FA2H: variants seen among roughly 807,000 people sequenced by gnomAD.
FA2H encodes the protein fatty acid alpha-hydroxylase.
In FA2H, 22 loss-of-function variants were observed where a neutral mutation model predicts 44.9. The observed-to-expected ratio is 0.49, with a 90% CI of 0.35 to 0.70. The LOEUF (loss-of-function observed/expected upper bound fraction) is 0.70, where lower values mean the gene tolerates loss of function less well. Ranked by LOEUF, FA2H falls within the 30% of genes least tolerant of loss-of-function variation. The probability of loss-of-function intolerance (pLI) is 0.01; values close to 1 mark genes in which losing one functional copy is unlikely to be tolerated. For missense variants in FA2H, 501 were observed against 504.9 expected (o/e 0.99, Z 0.07); for synonymous variants, 243 against 213.2 (o/e 1.14, Z -1.22).
intron 2 of FA2H, among the ~76,000 whole-genome samples, chr16:74,732,450 T>TTTTTC (rs1962091822): frequency 6.6e-6 from 1 of 151,604 alleles, no homozygotes; most frequent in Non-Finnish European, 1.5e-5. Flanking sequence ...TTTTCTTTTT[T>TTTTTC]TTTTAAGATT....
At chr16:74,772,194 T>C (rs1415416548) in intron 1 of FA2H, among the ~76,000 whole-genome samples, 1 of 152,194 alleles carries the variant, frequency 6.6e-6, no homozygotes, top group Non-Finnish European at 1.5e-5. Context: ...TTGGTTTTAT[T>C]TGCAGTCTTT....
Position 74,771,201 on chromosome 16 carries a change from T to C in FA2H, c.270+3285A>G, listed in dbSNP as rs78939103. Reference sequence around the variant, plus strand: ...TTCTTTTCTTTTCTTTTTCCTTTTCTATTTTTTTGTGACAAAATCTTACCT... The same window carrying C: ...TTCTTTTCTTTTCTTTTTCCTTTTCCATTTTTTTGTGACAAAATCTTACCT... On this transcript the variant is annotated intron_variant, in intron 1 of 6. Coordinates refer to ENST00000219368, the MANE Select transcript of FA2H (RefSeq NM_024306.5). Among the ~76,000 whole-genome samples, 16 of 152,162 alleles carry C rather than the reference T, an allele frequency of 1.1e-4. No individual in the cohort carries two copies. In the East Asian group the frequency reaches 3.1e-3, roughly 30 times the overall value.
intron 1 of FA2H, among the ~76,000 whole-genome samples, chr16:74,754,743 G>A (rs1373390187): frequency 2.0e-5 from 3 of 151,966 alleles, no homozygotes; most frequent in African/African-American, 7.2e-5. Context: ...GCCCAGGTTG[G>A]TCTCAAACTT....
At chr16:74,725,983 G>T (rs1961945516) in intron 4 of FA2H, 2 of 491,758 alleles carry the variant, frequency 4.1e-6, no homozygotes, top group Non-Finnish European at 7.5e-6. Flanking sequence ...TTATTGCTAT[G>T]CCACCCGATG....
At chr16:74,725,023 G>A (rs1245587834) in intron 4 of FA2H, among the ~76,000 whole-genome samples, 1 of 152,194 alleles carries the variant, frequency 6.6e-6, no homozygotes, top group Non-Finnish European at 1.5e-5. Context: ...CGGACAGTGG[G>A]TGATTCAGCG....
rs778973971 is a variant in FA2H at position 74,719,072 on chromosome 16, G to C, written c.702C>G (p.His234Gln). ...GGGGCTTCATGTGGAACAGGAAGCG[G>C]TGGATGAGGTACTCGATGAGGCTCC... The part of the protein sequence containing the change: ...FLWSLIEYLI[H>Q]RFLFHMKPPS... Residue 234 changes from histidine to glutamine, a missense_variant, in exon 5 of 7, where the codon CAC becomes CAG. His to Gln is a conservative substitution (Grantham distance 24, BLOSUM62 0). Transcript: ENST00000219368. The C allele has an allele frequency of 6.2e-7, 1 of 1,613,944 alleles. No homozygotes were observed. Among genetic ancestry groups the C allele is most frequent in the Non-Finnish European group, 8.5e-7 (1 of 1,180,040 alleles).
At chr16:74,748,758 G>A (rs1962474698) in intron 1 of FA2H, among the ~76,000 whole-genome samples, 2 of 152,132 alleles carry the variant, frequency 1.3e-5, no homozygotes. Context: ...AAAGGAGGCA[G>A]TGTGCGGCGG....
At chr16:74,766,920 G>A (rs1050705736) in intron 1 of FA2H, among the ~76,000 whole-genome samples, 8 of 152,118 alleles carry the variant, frequency 5.3e-5, no homozygotes, top group Admixed American at 2.6e-4. Context: ...TCTGGGAGGC[G>A]CTGTTGCCTG....
At position 74,719,153 on chromosome 16, in the gene FA2H, C is replaced by A. The variant is rs779856022; in HGVS notation, c.621G>T (p.Thr207=). ...GGAACATGGACTTGGGCACTGCCAC[C>A]GTGTACTCTGCAGGGTGGCAGGGAG... The part of the protein sequence containing the change: ...RLFTSFTTEY[T]VAVPKSMFPG... The change falls in exon 5 of 7, where the codon ACG becomes ACT. Residue 207 remains threonine (T), a synonymous_variant. Transcript: ENST00000219368. 1 of 1,613,250 alleles carries A rather than the reference C, an allele frequency of 6.2e-7. No individual in the cohort carries two copies. The highest frequency in any genetic ancestry group is 1.7e-5 in the Admixed American group (1 of 60,032).
chr16:74,724,275 C>T (rs1156675879), intron 4 of FA2H, among the ~76,000 whole-genome samples: 1 of 152,214 alleles, frequency 6.6e-6, no homozygotes, highest in Admixed American at 6.5e-5. Context: ...GTCCTGGCCT[C>T]TGCCGGGCCC....
intron 6 of FA2H, among the ~76,000 whole-genome samples, chr16:74,715,816 T>TTC (rs1225024864): frequency 7.4e-6 from 1 of 135,450 alleles, no homozygotes; most frequent in Non-Finnish European, 1.6e-5. Context: ...CTTCTTCTTC[T>TTC]TTTTTTTTTT....
In FA2H at chr16:74,762,617, G is replaced by A. The variant is rs141813828; in HGVS notation, c.270+11869C>T. On this transcript the variant is annotated intron_variant, in intron 1 of 6. Transcript: ENST00000219368. The stretch of plus-strand genomic sequence containing the variant: ...ACGATCTTGGCTCACTGCAACCTCC[G>A]CCTCCCTGGTTCAAGAATTTTCCTG... Among the ~76,000 whole-genome samples the A allele has an allele frequency of 6.5e-3, 993 of 152,148 alleles. 6 individuals are homozygous for A. Among genetic ancestry groups the A allele is most frequent in the Non-Finnish European group, 0.01 (711 of 67,980 alleles).
At chr16:74,757,819 C>A (rs1293612361) in intron 1 of FA2H, among the ~76,000 whole-genome samples, 2 of 152,082 alleles carry the variant, frequency 1.3e-5, no homozygotes, top group East Asian at 1.9e-4. Context: ...GAGTTTGAGA[C>A]CAGCCTGGGC....
intron 1 of FA2H, among the ~76,000 whole-genome samples, chr16:74,761,797 A>T (rs1031299762): frequency 8.5e-5 from 13 of 152,256 alleles, no homozygotes; most frequent in Non-Finnish European, 1.8e-4. Flanking sequence ...GCAGAAAAAA[A>T]ATAGAAAACT....
At chr16:74,735,991 TA>T (rs1962171996) in intron 2 of FA2H, among the ~76,000 whole-genome samples, 1 of 151,874 alleles carries the variant, frequency 6.6e-6, no homozygotes, top group Non-Finnish European at 1.5e-5. Flanking sequence ...TCTAAAAAAA[TA>T]AAAAAGATAG....
chr16:74,762,563 C>T (rs1962733610), intron 1 of FA2H, among the ~76,000 whole-genome samples: 3 of 152,126 alleles, frequency 2.0e-5, no homozygotes, highest in Admixed American at 2.0e-4. Context: ...TGGAGTCTCA[C>T]TCTGTCACCT....
At chr16:74,767,696 T>C (rs1962834691) in intron 1 of FA2H, among the ~76,000 whole-genome samples, 1 of 152,108 alleles carries the variant, frequency 6.6e-6, no homozygotes, top group South Asian at 2.1e-4. Flanking sequence ...GAAAAAAGAA[T>C]CTCCCCTAGA....
chr16:74,732,891 G>A (rs1293069803), intron 2 of FA2H, among the ~76,000 whole-genome samples: 2 of 152,228 alleles, frequency 1.3e-5, no homozygotes, highest in African/African-American at 2.4e-5. Context: ...GAGCTAGACC[G>A]TGGAAGATGT....
Position 74,716,604 on chromosome 16 carries a change from A to C in FA2H, c.787-5T>G, listed in dbSNP as rs1001933177. On this transcript the variant is annotated splice_polypyrimidine_tract_variant and splice_region_variant and intron_variant, in intron 5 of 6. Coordinates refer to ENST00000219368, the MANE Select transcript of FA2H (RefSeq NM_024306.5). The stretch of plus-strand genomic sequence containing the variant: ...GCGGGAGCCGTCGAAGGGTGCCTGC[A>C]GATGGAGAGGCTTGGGCATCAGGAG... 7 of 1,550,298 alleles carry C rather than the reference A, an allele frequency of 4.5e-6. No homozygotes were observed. In the Admixed American group the frequency reaches 9.8e-5, roughly 22 times the overall value.
Sources: gnomAD v4.1 joint callset for allele counts (sites outside exome capture counted in the v4.1 genomes callset) on GRCh38, gnomAD v4.1.1 for gene constraint, MANE v1.5 for transcripts, NCBI Gene and HGNC (gene_info 2026-07-23, HGNC 2026-07-21) for gene names.